LLGL2: variants seen among roughly 807,000 people sequenced by gnomAD.
LLGL2 encodes LLGL2, scribble cell polarity complex component.
A neutral mutation model predicts 123.2 loss-of-function variants in LLGL2; 81 were observed. The ratio of observed to expected loss-of-function variants is 0.66; its 90% CI spans 0.55 to 0.79. The LOEUF is 0.79. Ranked by LOEUF, LLGL2 falls within the 30% of genes least tolerant of loss-of-function variation. LLGL2 has a pLI of 0.00. For synonymous variants in LLGL2, 577 were observed against 594.1 expected (o/e 0.97, Z 0.42); for missense variants, 1,273 against 1,414.6 (o/e 0.90, Z 1.61).
At chr17:75,527,685 T>C (rs2053622217) in intron 1 of LLGL2, among the ~76,000 whole-genome samples, 1 of 152,126 alleles carries the variant, frequency 6.6e-6, no homozygotes, top group Non-Finnish European at 1.5e-5. Context: ...CAGGCTGGTC[T>C]CAAACTCCTG....
upstream of LLGL2, chr17:75,525,676 C>G (rs1238942219): frequency 6.6e-6 from 1 of 150,442 alleles, no homozygotes; most frequent in Non-Finnish European, 1.5e-5. The surrounding 1 kb of genome is among the most constrained non-coding windows in gnomAD (Gnocchi z 4.8). Context: ...GTAAATAGCG[C>G]GGCTCCGCCC....
Position 75,574,628 on chromosome 17 carries a change from A to G in LLGL2, c.3015A>G (p.Ser1005=), listed in dbSNP as rs1268792786. Reference sequence around the variant, plus strand: ...TGTGCAGGAGCGGCAACTGGCGTTCACATCGAGCCGCCGTGGGGTGCAGCC... The same window carrying G: ...TGTGCAGGAGCGGCAACTGGCGTTCGCATCGAGCCGCCGTGGGGTGCAGCC... ...EGDRGSGNWR[S]HRAAVGCSLS... is the part of the protein sequence containing the mutation. The change falls in exon 25 of 26, where the codon TCA becomes TCG. Residue 1005 remains serine, a synonymous_variant. Coordinates refer to ENST00000392550, the MANE Select transcript of LLGL2 (RefSeq NM_001031803.2). 6.2e-7 allele frequency: 1 copy of G among 1,612,318 alleles called. No individual in the cohort carries two copies. Among genetic ancestry groups the G allele is most frequent in the Non-Finnish European group, 8.5e-7 (1 of 1,179,698 alleles).
chr17:75,573,916 C>T (rs746353064), intron 21 of LLGL2, 36 bp from the exon 22 acceptor site: 11 of 1,550,062 alleles, frequency 7.1e-6, no homozygotes, highest in African/African-American at 1.4e-5. Flanking sequence ...GCAGGGAGCC[C>T]GGGGGCCCTG....
intron 2 of LLGL2, among the ~76,000 whole-genome samples, chr17:75,554,973 T>A (rs973135030): frequency 1.3e-5 from 2 of 150,176 alleles, no homozygotes; most frequent in African/African-American, 4.9e-5. Context: ...GGACAGATCA[T>A]GAGGTCAGGA....
intron 2 of LLGL2, among the ~76,000 whole-genome samples, chr17:75,548,435 G>A (rs1458112622): frequency 1.3e-5 from 2 of 151,416 alleles, no homozygotes; most frequent in African/African-American, 4.9e-5. Flanking sequence ...GTGCCACCAC[G>A]CCCGGCTAAA....
intron 2 of LLGL2, among the ~76,000 whole-genome samples, chr17:75,551,237 G>A (rs1164098122): frequency 2.0e-5 from 3 of 152,158 alleles, no homozygotes; most frequent in Admixed American, 2.0e-4. Context: ...GGAACAATGC[G>A]AGCCTCGGAA....
chr17:75,558,354 A>T lies in LLGL2; in HGVS notation c.255+118A>T. On this transcript the variant is annotated intron_variant, in intron 4 of 25. Transcript: ENST00000392550. This position sits in a 1 kb window ranked among gnomAD's most constrained non-coding sequence, Gnocchi z 4.0. ...GTGGCCCTGGGTTTGCTGCTGATGG[A>T]AAGACCTGGGACCCCCTCCCTTTCC... The T allele has an allele frequency of 8.3e-7, 1 of 1,203,224 alleles. No homozygotes were observed. Among genetic ancestry groups the T allele is most frequent in the Non-Finnish European group, 1.2e-6 (1 of 854,176 alleles). The allele number at this position is 1,203,224 out of a possible 1,614,324, so 74.5% of individuals were successfully genotyped here.
In LLGL2 at chr17:75,552,857, T is replaced by G. The variant is rs545159945; in HGVS notation, c.76-3189T>G. 3.3e-5 allele frequency among the ~76,000 whole-genome samples: 5 copies of G among 152,328 alleles called. No homozygotes were observed. The East Asian group carries it at 7.7e-4, about 24-fold the overall frequency. ...TTGGTGGCCCCATGGGGCTCATGGCTACCGTTCTGGGCAGCTCGGAGCATG... is the reference window on the plus strand; with the variant it reads ...TTGGTGGCCCCATGGGGCTCATGGCGACCGTTCTGGGCAGCTCGGAGCATG... On this transcript the variant is annotated intron_variant, in intron 2 of 25. Transcript: ENST00000392550.
intron 19 of LLGL2, among the ~76,000 whole-genome samples, chr17:75,572,645 A>G (rs1031647108): frequency 3.4e-5 from 5 of 146,486 alleles, no homozygotes; most frequent in African/African-American, 1.3e-4. Context: ...AGCCTGGGCG[A>G]CAGAGCGAGA....
At chr17:75,536,972 C>T (rs887529401) in intron 1 of LLGL2, among the ~76,000 whole-genome samples, 2 of 152,130 alleles carry the variant, frequency 1.3e-5, no homozygotes, top group Non-Finnish European at 2.9e-5. Flanking sequence ...GGGTTACAGG[C>T]ACCCACCACC....
intron 1 of LLGL2, 160 bp from the exon 2 acceptor site, chr17:75,543,237 G>T (rs2054284964): frequency 4.4e-6 from 2 of 449,682 alleles, no homozygotes; most frequent in Non-Finnish European, 8.0e-6. Flanking sequence ...CTGAGCGTGG[G>T]GAAGCCAGGG....
chr17:75,554,257 G>A (rs1292580325), intron 2 of LLGL2, among the ~76,000 whole-genome samples: 3 of 142,518 alleles, frequency 2.1e-5, no homozygotes, highest in East Asian at 2.0e-4. Flanking sequence ...AGCCAAGATC[G>A]CACCATTGCA....
chr17:75,532,369 G>T (rs2053831674), intron 1 of LLGL2: 1 of 152,142 alleles, frequency 6.6e-6, no homozygotes, highest in Admixed American at 6.6e-5. Context: ...TCCTGACTCA[G>T]GCTCCCGAGT....
chr17:75,553,951 A>G (rs1452032883), intron 2 of LLGL2, among the ~76,000 whole-genome samples: 1 of 152,190 alleles, frequency 6.6e-6, no homozygotes, highest in African/African-American at 2.4e-5. Flanking sequence ...ATACTCAACA[A>G]TAAACCTCTG....
chr17:75,573,803 C>A, intron 21 of LLGL2, 149 bp from the exon 22 acceptor site: 3 of 1,206,676 alleles, frequency 2.5e-6, no homozygotes, highest in Non-Finnish European at 3.5e-6. Flanking sequence ...CCTGTGCAAG[C>A]TGGCAGTCCA....
At chr17:75,573,369 G>C in intron 20 of LLGL2, 91 bp downstream of exon 20, 1 of 1,554,282 alleles carries the variant, frequency 6.4e-7, no homozygotes, top group East Asian at 2.3e-5. Flanking sequence ...GGCCAGACTG[G>C]ATGGGCCTTA....
intron 20 of LLGL2, 31 bp downstream of exon 20, chr17:75,573,309 GC>G: frequency 6.3e-7 from 1 of 1,578,180 alleles, no homozygotes; most frequent in Non-Finnish European, 8.6e-7. Flanking sequence ...GGGTGTCGGG[GC>G]CCCGGGCACT....
At chr17:75,532,055 T>TATACACACACAC (rs1555648011) in intron 1 of LLGL2, among the ~76,000 whole-genome samples, 18 of 93,768 alleles carry the variant, frequency 1.9e-4, no homozygotes, top group South Asian at 6.6e-4. Flanking sequence ...TATGTATATA[T>TATACACACACAC]ACACACACAC....
At position 75,570,408 on chromosome 17, in the gene LLGL2, C is replaced by A; in HGVS notation, c.1935C>A (p.Ser645=). The change falls in exon 16 of 26, where the codon TCC becomes TCA. Residue 645 remains serine, a synonymous_variant. Coordinates refer to ENST00000392550, the MANE Select transcript of LLGL2 (RefSeq NM_001031803.2). ...AGGGCCCACTCTCCCGCGTCAAGTC[C>A]CTCAAGAAGTCCTTGCGTCAGTCAT... ...ALEGPLSRVK[S]LKKSLRQSFR... The A allele has an allele frequency of 6.2e-7, 1 of 1,610,264 alleles. No homozygotes were observed. Among genetic ancestry groups the A allele is most frequent in the Non-Finnish European group, 8.5e-7 (1 of 1,178,916 alleles).
Sources: gnomAD v4.1 joint callset for allele counts (sites outside exome capture counted in the v4.1 genomes callset) on GRCh38, gnomAD v4.1.1 for gene constraint, Gnocchi (gnomAD v3.1) non-coding constraint, MANE v1.5 for transcripts, NCBI Gene and HGNC (gene_info 2026-07-23, HGNC 2026-07-21) for gene names.